The following CWC27 variants were observed in gnomAD, a reference collection of about 807,000 sequenced individuals.
The protein encoded by CWC27 is spliceosome-associated protein CWC27 homolog.
A neutral mutation model predicts 63.6 loss-of-function variants in CWC27; 47 were observed. The observed-to-expected ratio is 0.74, with a 90% CI of 0.58 to 0.94. CWC27 has a LOEUF of 0.94. CWC27 is among the 40% of genes least tolerant of loss of function. The pLI is 0.00. For missense variants in CWC27, 495 were observed against 554.3 expected, an observed-to-expected ratio of 0.89 and a Z score of 1.07; for synonymous variants, 175 against 179.8, an observed-to-expected ratio of 0.97 and a Z score of 0.22.
chr5:64,908,430 T>G (rs1189921415), intron 11 of CWC27, among the ~76,000 whole-genome samples: 2 of 152,206 alleles, frequency 1.3e-5, no homozygotes, highest in African/African-American at 4.8e-5. Flanking sequence ...GTTCAAGTCC[T>G]GGATAGCATT....
At chr5:64,855,769 GA>G (rs1746241368) in intron 10 of CWC27, among the ~76,000 whole-genome samples, 1 of 151,710 alleles carries the variant, frequency 6.6e-6, no homozygotes, top group African/African-American at 2.4e-5. Flanking sequence ...TTATTTAAAA[GA>G]AAAAAAGACA....
At chr5:64,784,073 G>T in intron 4 of CWC27, 94 bp downstream of exon 4, 1 of 1,103,956 alleles carries the variant, frequency 9.1e-7, no homozygotes, top group Non-Finnish European at 1.2e-6. Context: ...TTATCTAAGA[G>T]CTACCTTTGT....
At chr5:64,912,989 C>T (rs954730273) in intron 11 of CWC27, among the ~76,000 whole-genome samples, 2 of 152,030 alleles carry the variant, frequency 1.3e-5, no homozygotes, top group African/African-American at 4.8e-5. Context: ...AGACTGCCCT[C>T]CTTAAATTAA....
At chr5:64,829,338 T>C (rs1745451079) in intron 10 of CWC27, among the ~76,000 whole-genome samples, 1 of 152,172 alleles carries the variant, frequency 6.6e-6, no homozygotes, top group Admixed American at 6.6e-5. Flanking sequence ...ATTTGTATGT[T>C]ATTTAGAATA....
chr5:64,833,705 T>G (rs1310074567), intron 10 of CWC27, among the ~76,000 whole-genome samples: 1 of 151,764 alleles, frequency 6.6e-6, no homozygotes, highest in African/African-American at 2.4e-5. Context: ...TCCTGTGACC[T>G]TCACCCAGAA....
At chr5:64,941,235 A>G (rs934966483) in intron 11 of CWC27, among the ~76,000 whole-genome samples, 1 of 152,138 alleles carries the variant, frequency 6.6e-6, no homozygotes, top group African/African-American at 2.4e-5. Flanking sequence ...TTTAAGAGGA[A>G]AATCATATTT....
At chr5:64,827,640 T>C (rs189702504) in intron 10 of CWC27, among the ~76,000 whole-genome samples, 130 of 152,322 alleles carry the variant, frequency 8.5e-4, no homozygotes, top group African/African-American at 2.0e-3. Flanking sequence ...ATTGTTGTAA[T>C]GCTAATATGA....
intron 10 of CWC27, among the ~76,000 whole-genome samples, chr5:64,872,436 C>T (rs115155853): frequency 1.9e-3 from 293 of 152,282 alleles, no homozygotes; most frequent in African/African-American, 6.6e-3. Flanking sequence ...CACTTATATG[C>T]AGCTTCATTT....
intron 10 of CWC27, among the ~76,000 whole-genome samples, chr5:64,815,554 A>G (rs1233757257): frequency 6.6e-6 from 1 of 152,202 alleles, no homozygotes; most frequent in Non-Finnish European, 1.5e-5. Flanking sequence ...AATCTACTAC[A>G]GTCTCTACGA....
chr5:64,912,082 AAAAAAAAAAG>A (rs527931496), intron 11 of CWC27, among the ~76,000 whole-genome samples: 1,986 of 145,696 alleles, frequency 0.014, 24 homozygotes, highest in African/African-American at 0.042. Flanking sequence ...TCAAAAAAAA[AAAAAAAAAAG>A]AAAGAAAGAA....
intron 11 of CWC27, among the ~76,000 whole-genome samples, chr5:64,957,900 A>C (rs1415814178): frequency 6.6e-6 from 1 of 152,170 alleles, no homozygotes; most frequent in East Asian, 1.9e-4. Context: ...TTAACATGTT[A>C]GGTAAGATTA....
At chr5:64,855,305 A>C (rs1479526801) in intron 10 of CWC27, among the ~76,000 whole-genome samples, 2 of 152,148 alleles carry the variant, frequency 1.3e-5, no homozygotes, top group East Asian at 3.8e-4. Context: ...CAGTGAGTGA[A>C]ATCAGCATTC....
chr5:64,945,662 A>C (rs762186467), intron 11 of CWC27, among the ~76,000 whole-genome samples: 2 of 152,192 alleles, frequency 1.3e-5, no homozygotes, highest in African/African-American at 4.8e-5. Context: ...CAGAGAAGTA[A>C]TTGATGTTTC....
At chr5:64,938,156 G>A (rs1226286459) in intron 11 of CWC27, among the ~76,000 whole-genome samples, 1 of 152,054 alleles carries the variant, frequency 6.6e-6, no homozygotes, top group Non-Finnish European at 1.5e-5. Context: ...TATGATGCTA[G>A]CTGGTTATTT....
rs1023887417 is a variant in CWC27 at position 64,785,529 on chromosome 5, A to G, written c.445A>G (p.Ile149Val). ...CATGTTGCGACTGTCAGAAGTAGAC[A>G]TTGATGATGACGAAAGACCACATAA... Reference protein sequence around the residue: ...YNMLRLSEVDIDDDERPHNPH... With the variant: ...YNMLRLSEVDVDDDERPHNPH... The change falls in exon 5 of 14, where the codon ATT becomes GTT. Residue 149 changes from isoleucine (I) to valine (V), a missense_variant. Ile to Val is a conservative substitution (Grantham distance 29). Coordinates refer to ENST00000381070, the MANE Select transcript of CWC27 (RefSeq NM_005869.4). The G allele has an allele frequency of 6.3e-7, 1 of 1,576,640 alleles. No individual in the cohort carries two copies. The highest frequency in any genetic ancestry group is 2.3e-5 in the East Asian group (1 of 43,128).
chr5:64,923,834 A>G (rs1380909175), intron 11 of CWC27, among the ~76,000 whole-genome samples: 1 of 151,134 alleles, frequency 6.6e-6, no homozygotes, highest in Non-Finnish European at 1.5e-5. Flanking sequence ...AATTAACTGT[A>G]TTTTCTTCTT....
chr5:64,811,465 T>C (rs552146728), intron 10 of CWC27, among the ~76,000 whole-genome samples: 1 of 152,210 alleles, frequency 6.6e-6, no homozygotes, highest in East Asian at 1.9e-4. Flanking sequence ...TAAATTTTTA[T>C]TGTGATTCTA....
intron 13 of CWC27, among the ~76,000 whole-genome samples, chr5:64,994,663 C>A (rs1749598721): frequency 6.6e-6 from 1 of 152,110 alleles, no homozygotes; most frequent in African/African-American, 2.4e-5. Flanking sequence ...GTCCCCTCCC[C>A]ACAACCACTT....
intron 10 of CWC27, among the ~76,000 whole-genome samples, chr5:64,815,562 C>T (rs144938694): frequency 2.3e-4 from 35 of 152,186 alleles, no homozygotes; most frequent in East Asian, 1.9e-3. Flanking sequence ...ACAGTCTCTA[C>T]GATTTAAACA....
Sources: allele counts gnomAD v4.1 joint callset (sites outside exome capture counted in the v4.1 genomes callset), GRCh38; gene constraint gnomAD v4.1.1; transcripts MANE v1.5; gene names NCBI Gene and HGNC (gene_info 2026-07-23, HGNC 2026-07-21).